Variants in HNF4G observed in about 807,000 individuals in gnomAD.
HNF4G encodes the protein hepatocyte nuclear factor 4 gamma, also known as hepatocyte nuclear factor 4-gamma.
A neutral mutation model predicts 50.9 loss-of-function variants in HNF4G; 21 were observed. The observed-to-expected ratio is 0.41, with a 90% CI of 0.29 to 0.59. The LOEUF is 0.59. Among genes scored for constraint, HNF4G ranks in the 20% least tolerant of loss-of-function variants. The probability of loss-of-function intolerance (pLI) is 0.26; values close to 1 mark genes in which losing one functional copy is unlikely to be tolerated. For synonymous variants in HNF4G, 198 were observed against 185.6 expected (o/e 1.07, Z -0.54); for missense variants, 527 against 559.4 (o/e 0.94, Z 0.58).
At chr8:75,409,687 C>T (rs1386392938) in intron 1 of HNF4G, among the ~76,000 whole-genome samples, 3 of 151,740 alleles carry the variant, frequency 2.0e-5, no homozygotes, top group African/African-American at 4.8e-5. Context: ...TGGGGTTTCA[C>T]CATGTTGGTC....
At chr8:75,502,045 G>A (rs1812941956) in intron 2 of HNF4G, among the ~76,000 whole-genome samples, 1 of 152,030 alleles carries the variant, frequency 6.6e-6, no homozygotes. Context: ...TAGAGACGAG[G>A]TTTCACCCTG....
intron 2 of HNF4G, among the ~76,000 whole-genome samples, chr8:75,526,122 A>ATTTC (rs1227713754): frequency 9.3e-5 from 13 of 139,670 alleles, no homozygotes; most frequent in Admixed American, 8.5e-4. Flanking sequence ...TTATTTATTT[A>ATTTC]TTTATTTATT....
At chr8:75,501,956 G>A (rs1278910295) in intron 2 of HNF4G, among the ~76,000 whole-genome samples, 3 of 151,626 alleles carry the variant, frequency 2.0e-5, no homozygotes, top group Admixed American at 1.3e-4. Flanking sequence ...GGGTTCAAGC[G>A]ATTCTCCTGC....
chr8:75,552,101 C>A (rs1284465333), intron 4 of HNF4G, among the ~76,000 whole-genome samples: 1 of 152,040 alleles, frequency 6.6e-6, no homozygotes. Context: ...TTTAGCATTG[C>A]CCTTATTAGA....
chr8:75,427,859 C>T (rs188979123), intron 1 of HNF4G, among the ~76,000 whole-genome samples: 1 of 151,874 alleles, frequency 6.6e-6, no homozygotes, highest in African/African-American at 2.4e-5. Context: ...TGCAAGTGAA[C>T]CCTGAAGGTT....
chr8:75,449,100 T>A (rs758123843), intron 1 of HNF4G, among the ~76,000 whole-genome samples: 15 of 152,196 alleles, frequency 9.9e-5, no homozygotes, highest in Admixed American at 2.6e-4. Flanking sequence ...TTCTTTCTCA[T>A]GTAACAACAC....
At position 75,551,433 on chromosome 8, in the gene HNF4G, T is replaced by G; in HGVS notation, c.428T>G (p.Phe143Cys). The change falls in exon 4 of 10, where the codon TTT becomes TGT. Residue 143 changes from phenylalanine to cysteine, a missense_variant. By Grantham distance (205) the Phe-to-Cys change is radical (BLOSUM62 -2). Coordinates refer to ENST00000396423, the MANE Select transcript of HNF4G (RefSeq NM_004133.5). ...AGAATAAGCACCAGAAGAAGCACAT[T>G]TGATGGCAGCAACATCCCCTCCATT... The part of the protein sequence containing the change: ...RDRISTRRST[F>C]DGSNIPSINT... 6.2e-7 allele frequency: 1 copy of G among 1,613,628 alleles called. No homozygotes were observed. Among genetic ancestry groups the G allele is most frequent in the Non-Finnish European group, 8.5e-7 (1 of 1,179,644 alleles).
At chr8:75,509,525 C>T (rs1287861349) in intron 2 of HNF4G, among the ~76,000 whole-genome samples, 4 of 152,134 alleles carry the variant, frequency 2.6e-5, no homozygotes, top group Non-Finnish European at 5.9e-5. Context: ...ATTTGGAAAT[C>T]GTAGCAAAGT....
At chr8:75,408,528 C>T (rs1298765590) in intron 1 of HNF4G, among the ~76,000 whole-genome samples, 3 of 152,078 alleles carry the variant, frequency 2.0e-5, no homozygotes, top group African/African-American at 7.2e-5. Flanking sequence ...GGGCATCTGC[C>T]GGTGATGCCG....
intron 2 of HNF4G, among the ~76,000 whole-genome samples, chr8:75,531,244 C>T (rs1806318683): frequency 6.6e-6 from 1 of 152,092 alleles, no homozygotes; most frequent in Non-Finnish European, 1.5e-5. Flanking sequence ...GAAGAATTCT[C>T]TCTTGATGAA....
At chr8:75,548,379 A>G (rs376410991) in intron 3 of HNF4G, among the ~76,000 whole-genome samples, 1 of 152,110 alleles carries the variant, frequency 6.6e-6, no homozygotes, top group Non-Finnish European at 1.5e-5. Flanking sequence ...TCATGCATTC[A>G]TTTATTTACT....
At position 75,556,004 on chromosome 8, in the gene HNF4G, C is replaced by T. The variant is rs75249933; in HGVS notation, c.668C>T (p.Ala223Val). The part of the protein sequence containing the change: ...DDQVALLRAH[A>V]GEHLLLGATK... ...AAGGTGGCACTGTTGAGAGCTCACG[C>T]AGGGGAGCACTTACTGCTTGGAGCT... Residue 223 changes from alanine (A) to valine (V), a missense_variant, in exon 6 of 10, where the codon GCA becomes GTA. Coordinates refer to ENST00000396423, the MANE Select transcript of HNF4G (RefSeq NM_004133.5). 4 of 1,577,042 alleles carry T rather than the reference C, an allele frequency of 2.5e-6. No homozygotes were observed. The highest frequency in any genetic ancestry group is 3.4e-6 in the Non-Finnish European group (4 of 1,159,846).
chr8:75,447,757 G>A (rs1298644725), intron 1 of HNF4G, among the ~76,000 whole-genome samples: 3 of 143,578 alleles, frequency 2.1e-5, no homozygotes, highest in African/African-American at 7.7e-5. Flanking sequence ...CAGTTAGAAT[G>A]GCAATCATTA....
Position 75,426,035 on chromosome 8 carries a change from A to G in HNF4G, c.-144+17873A>G, listed in dbSNP as rs75105674. Among the ~76,000 whole-genome samples the G allele has an allele frequency of 6.1e-3, 933 of 152,350 alleles. 29 individuals carry two copies. Among genetic ancestry groups the G allele is most frequent in the East Asian group, 0.055 (287 of 5,182 alleles). ...TGTCAATTGGTAAGAATATTACACT[A>G]TCATTTAAAAGGAGATAGATCAAAT... On this transcript the variant is annotated intron_variant, in intron 1 of 10. Transcript: ENST00000354370.
chr8:75,417,620 T>C lies in HNF4G; in HGVS notation c.-144+9458T>C, dbSNP rs374854735. On this transcript the variant is annotated intron_variant, in intron 1 of 10. Coordinates refer to the HNF4G transcript ENST00000354370. The stretch of plus-strand genomic sequence containing the variant: ...TTCTAAAGCTAAAAATGAAATAAGG[T>C]AATTTTATTTTTCTCCTTTGTGTTC... 2.2e-4 allele frequency among the ~76,000 whole-genome samples: 33 copies of C among 152,324 alleles called. No individual in the cohort carries two copies. In the East Asian group the frequency reaches 5.6e-3, roughly 26 times the overall value.
chr8:75,534,499 C>T (rs1806410027), intron 2 of HNF4G, among the ~76,000 whole-genome samples: 1 of 151,806 alleles, frequency 6.6e-6, no homozygotes, highest in African/African-American at 2.4e-5. Flanking sequence ...CTAACAGTAA[C>T]TGATTTAATA....
At chr8:75,562,439 T>A (rs957109427) in intron 9 of HNF4G, among the ~76,000 whole-genome samples, 1 of 152,138 alleles carries the variant, frequency 6.6e-6, no homozygotes, top group African/African-American at 2.4e-5. Context: ...GCAGAATAGA[T>A]CTTACCATTT....
chr8:75,445,588 T>C (rs1811405890), intron 1 of HNF4G, among the ~76,000 whole-genome samples: 1 of 80,104 alleles, frequency 1.2e-5, no homozygotes, highest in South Asian at 5.4e-4. Flanking sequence ...TAAAAAATGA[T>C]AAAGGGGATA....
rs568779846 is a variant in HNF4G at position 75,449,633 on chromosome 8, T to C, written c.-143-40456T>C. Among the ~76,000 whole-genome samples the C allele has an allele frequency of 1.8e-4, 27 of 150,992 alleles. No individual in the cohort carries two copies. The East Asian group carries it at 4.7e-3, about 26-fold the overall frequency. On this transcript the variant is annotated intron_variant, in intron 1 of 10. Transcript: ENST00000354370. Reference sequence around the variant, plus strand: ...GCCATTCTCCTGCCTCAGCCTCCCTTGTAGCTGGGACTACAGGCTCCCGCC... The same window carrying C: ...GCCATTCTCCTGCCTCAGCCTCCCTCGTAGCTGGGACTACAGGCTCCCGCC...
Sources: allele counts gnomAD v4.1 joint callset (sites outside exome capture counted in the v4.1 genomes callset), GRCh38; gene constraint gnomAD v4.1.1; transcripts MANE v1.5; gene names NCBI Gene and HGNC (gene_info 2026-07-23, HGNC 2026-07-21).